HDAC9: variants seen among roughly 807,000 people sequenced by gnomAD.
HDAC9 encodes the protein histone deacetylase 9.
In HDAC9, 41 loss-of-function variants were observed where a neutral mutation model predicts 139.4. The ratio of observed to expected loss-of-function variants is 0.29; its 90% CI spans 0.23 to 0.38. The LOEUF is 0.38. HDAC9 is among the 10% of genes least tolerant of loss of function. The pLI is 1.00. For missense variants in HDAC9, 1,147 were observed against 1,297.0 expected (o/e 0.88, Z 1.78); for synonymous variants, 517 against 476.2 (o/e 1.09, Z -1.12).
At chr7:18,258,382 C>A (rs193249209) in intron 2 of HDAC9, among the ~76,000 whole-genome samples, 1 of 152,116 alleles carries the variant, frequency 6.6e-6, no homozygotes, top group African/African-American at 2.4e-5. Flanking sequence ...TTTGGTTAAA[C>A]GAATACTGTT....
chr7:18,943,810 G>C (rs1782184544), intron 23 of HDAC9, among the ~76,000 whole-genome samples: 1 of 151,988 alleles, frequency 6.6e-6, no homozygotes, highest in Non-Finnish European at 1.5e-5. Context: ...TTATGTCACT[G>C]CTATTGACCA....
At chr7:18,363,213 C>G (rs1020415577) in intron 1 of HDAC9, among the ~76,000 whole-genome samples, 2 of 152,060 alleles carry the variant, frequency 1.3e-5, no homozygotes, top group Non-Finnish European at 2.9e-5. Context: ...ATTTTCACCA[C>G]GGTAGATTTT....
chr7:18,384,452 T>G (rs1260655976), intron 1 of HDAC9, among the ~76,000 whole-genome samples: 1 of 152,256 alleles, frequency 6.6e-6, no homozygotes, highest in African/African-American at 2.4e-5. Flanking sequence ...CTATATTATT[T>G]AATTCTGAAA....
At chr7:18,744,012 G>GTTTT (rs35414332) in intron 13 of HDAC9, among the ~76,000 whole-genome samples, 12 of 110,428 alleles carry the variant, frequency 1.1e-4, no homozygotes, top group Non-Finnish European at 1.4e-4. Context: ...TTTACTACTA[G>GTTTT]TTTTTTTTTT....
chr7:18,676,125 G>T (rs1356117668), intron 12 of HDAC9, among the ~76,000 whole-genome samples: 2 of 151,942 alleles, frequency 1.3e-5, no homozygotes, highest in Admixed American at 1.3e-4. Flanking sequence ...CAATCAGAAA[G>T]CAAAACTCAG....
intron 12 of HDAC9, among the ~76,000 whole-genome samples, chr7:18,707,488 A>G (rs1488485204): frequency 6.6e-6 from 1 of 152,208 alleles, no homozygotes; most frequent in Non-Finnish European, 1.5e-5. Context: ...TTATAAATAT[A>G]TGCAGGAATA....
At chr7:18,862,121 T>C (rs541174558) in intron 21 of HDAC9, among the ~76,000 whole-genome samples, 1 of 152,290 alleles carries the variant, frequency 6.6e-6, no homozygotes, top group African/African-American at 2.4e-5. Context: ...TGCTCTCCAC[T>C]CTAGGGTCTA....
intron 1 of HDAC9, among the ~76,000 whole-genome samples, chr7:18,426,629 A>G (rs903020505): frequency 1.1e-4 from 16 of 152,200 alleles, no homozygotes; most frequent in African/African-American, 3.4e-4. Context: ...ATAGCCAAAA[A>G]GTTTAGTCAC....
chr7:18,898,959 G>A (rs539901507), intron 22 of HDAC9, among the ~76,000 whole-genome samples: 1 of 152,042 alleles, frequency 6.6e-6, no homozygotes, highest in South Asian at 2.1e-4. Flanking sequence ...AAAGACGAAA[G>A]AAGGTATATA....
At chr7:18,507,170 A>ATATTATTATTATCATTAT (rs371255551) in intron 2 of HDAC9, among the ~76,000 whole-genome samples, 36 of 144,326 alleles carry the variant, frequency 2.5e-4, no homozygotes, top group African/African-American at 8.7e-4. Context: ...TATTCATTAC[A>ATATTATTATTATCATTAT]TATTATTATT....
rs139932381 is a variant in HDAC9, at chr7:18,936,736, A to G, written c.2937+794A>G. 6.9e-3 allele frequency among the ~76,000 whole-genome samples: 1,045 copies of G among 152,306 alleles called. 8 individuals carry two copies. Among genetic ancestry groups the G allele is most frequent in the African/African-American group, 0.024 (991 of 41,580 alleles). On this transcript the variant is annotated intron_variant, in intron 23 of 25. Coordinates refer to ENST00000686413, the MANE Select transcript of HDAC9 (RefSeq NM_178425.4). ...TTTGCCTTTCTTTTATGAATTTGCA[A>G]TATGATTTTGCTTATTAGATAAACA...
At chr7:18,818,769 C>G (rs143432531) in intron 17 of HDAC9, among the ~76,000 whole-genome samples, 3 of 152,200 alleles carry the variant, frequency 2.0e-5, no homozygotes, top group Non-Finnish European at 2.9e-5. Flanking sequence ...ATTTTGAAGC[C>G]TAAATTACTC....
chr7:18,258,978 TTTTTTTTTTTA>T (rs1795464007), intron 2 of HDAC9, among the ~76,000 whole-genome samples: 2 of 96,136 alleles, frequency 2.1e-5, no homozygotes, highest in African/African-American at 5.1e-5. Flanking sequence ...TTTTTTTTTT[TTTTTTTTTTTA>T]AACAGGGTCT....
At chr7:18,213,660 A>C (rs965262463) in intron 2 of HDAC9, among the ~76,000 whole-genome samples, 3 of 152,148 alleles carry the variant, frequency 2.0e-5, no homozygotes, top group Admixed American at 6.6e-5. Context: ...TAAATGTGTA[A>C]GCTATTCACA....
chr7:18,284,807 C>T (rs1001411301), intron 2 of HDAC9, among the ~76,000 whole-genome samples: 1 of 151,986 alleles, frequency 6.6e-6, no homozygotes, highest in Non-Finnish European at 1.5e-5. Flanking sequence ...GATTTAAATC[C>T]AACACTCACT....
intron 2 of HDAC9, among the ~76,000 whole-genome samples, chr7:18,223,549 C>G (rs1480644234): frequency 1.3e-5 from 2 of 152,068 alleles, no homozygotes; most frequent in Non-Finnish European, 2.9e-5. Flanking sequence ...TGCCATAACA[C>G]AAATACAGGC....
At chr7:18,639,112 G>A (rs1784778011) in intron 8 of HDAC9, among the ~76,000 whole-genome samples, 1 of 152,016 alleles carries the variant, frequency 6.6e-6, no homozygotes, top group African/African-American at 2.4e-5. Flanking sequence ...AGATACAAAT[G>A]CTTTTAAAAA....
intron 12 of HDAC9, among the ~76,000 whole-genome samples, chr7:18,680,934 G>A (rs1181236418): frequency 1.3e-5 from 2 of 152,006 alleles, no homozygotes; most frequent in Admixed American, 6.6e-5. Flanking sequence ...TACAAAAAAG[G>A]ATGACATTTG....
intron 1 of HDAC9, among the ~76,000 whole-genome samples, chr7:18,444,059 C>T (rs373270212): frequency 1.3e-5 from 2 of 152,012 alleles, no homozygotes; most frequent in South Asian, 2.1e-4. Flanking sequence ...TGATTTGCAA[C>T]TGGGCATGGT....
Sources: allele counts gnomAD v4.1 joint callset (sites outside exome capture counted in the v4.1 genomes callset), GRCh38; gene constraint gnomAD v4.1.1; transcripts MANE v1.5; gene names NCBI Gene and HGNC (gene_info 2026-07-23, HGNC 2026-07-21).